MCTP1: variants seen among roughly 807,000 people sequenced by gnomAD.
The protein encoded by MCTP1 is multiple C2 and transmembrane domain-containing protein 1.
Under a neutral mutation model 120.6 loss-of-function variants are expected in MCTP1, and 69 were observed. The observed-to-expected ratio is 0.57, with a 90% CI of 0.47 to 0.70. MCTP1 has a LOEUF of 0.70. MCTP1 is among the 30% of genes least tolerant of loss of function. The pLI, the probability that MCTP1 is intolerant of heterozygous loss-of-function variation, is 0.00. For missense variants in MCTP1, 1,203 were observed against 1,248.8 expected (o/e 0.96, Z 0.55); for synonymous variants, 529 against 493.1 (o/e 1.07, Z -0.96).
chr5:94,720,209 A>G (rs1760575147), intron 19 of MCTP1, among the ~76,000 whole-genome samples: 1 of 151,984 alleles, frequency 6.6e-6, no homozygotes, highest in South Asian at 2.1e-4. Context: ...AATACAGGGA[A>G]GTTATTTACT....
chr5:94,769,083 G>T (rs534055802), intron 19 of MCTP1, among the ~76,000 whole-genome samples: 6 of 152,138 alleles, frequency 3.9e-5, no homozygotes, highest in Non-Finnish European at 5.9e-5. Flanking sequence ...TACATCACTT[G>T]CAGCAATGTG....
chr5:95,139,311 C>T lies in MCTP1; in HGVS notation c.721-121827G>A, dbSNP rs115283826. 6.3e-3 allele frequency among the ~76,000 whole-genome samples: 956 copies of T among 152,192 alleles called. 6 individuals carry two copies. The highest frequency in any genetic ancestry group is 0.01 in the Non-Finnish European group (693 of 68,006). Reference sequence around the variant, plus strand: ...ATCTAGAAGGCTTTGTGAGAATATACCCAACATGAGGAAACAGGGTTAGAG... The same window carrying T: ...ATCTAGAAGGCTTTGTGAGAATATATCCAACATGAGGAAACAGGGTTAGAG... On this transcript the variant is annotated intron_variant, in intron 1 of 22. Transcript: ENST00000515393.
At chr5:95,068,378 T>C (rs564842090) in intron 1 of MCTP1, among the ~76,000 whole-genome samples, 2 of 152,152 alleles carry the variant, frequency 1.3e-5, no homozygotes, top group African/African-American at 4.8e-5. Flanking sequence ...AAATACTTAA[T>C]TCCAACAGAC....
At chr5:94,902,636 T>C (rs1484885231) in intron 10 of MCTP1, among the ~76,000 whole-genome samples, 1 of 152,206 alleles carries the variant, frequency 6.6e-6, no homozygotes, top group Non-Finnish European at 1.5e-5. Flanking sequence ...ATATTATAAA[T>C]TGATATAATA....
chr5:95,167,759 T>C (rs991091599), intron 1 of MCTP1, among the ~76,000 whole-genome samples: 1 of 152,252 alleles, frequency 6.6e-6, no homozygotes, highest in East Asian at 1.9e-4. Flanking sequence ...TGGGGTTGTT[T>C]GTTTTTTCTT....
At chr5:95,144,879 G>T (rs1760247126) in intron 1 of MCTP1, among the ~76,000 whole-genome samples, 1 of 151,590 alleles carries the variant, frequency 6.6e-6, no homozygotes, top group Non-Finnish European at 1.5e-5. Flanking sequence ...GGGTTATTTT[G>T]GATATTTTGG....
intron 17 of MCTP1, among the ~76,000 whole-genome samples, chr5:94,834,648 G>T (rs1167952578): frequency 1.3e-5 from 2 of 152,048 alleles, no homozygotes; most frequent in Non-Finnish European, 2.9e-5. Flanking sequence ...ACATCATAGC[G>T]CAATTCAAAG....
chr5:95,238,529 G>A (rs930830031), intron 1 of MCTP1, among the ~76,000 whole-genome samples: 1 of 152,068 alleles, frequency 6.6e-6, no homozygotes, highest in Non-Finnish European at 1.5e-5. Context: ...AAATCAATGT[G>A]TCACTCATAT....
At chr5:95,161,305 C>T (rs1745713426) in intron 1 of MCTP1, among the ~76,000 whole-genome samples, 1 of 152,080 alleles carries the variant, frequency 6.6e-6, no homozygotes, top group African/African-American at 2.4e-5. Context: ...CATGGCTGAA[C>T]CTCGAGGACA....
chr5:95,178,544 T>C (rs1748270715), intron 1 of MCTP1, among the ~76,000 whole-genome samples: 2 of 152,072 alleles, frequency 1.3e-5, no homozygotes. Context: ...CCTGGTAGGC[T>C]CTGCTGGGTG....
At chr5:94,795,259 G>T (rs1222606078) in intron 18 of MCTP1, among the ~76,000 whole-genome samples, 2 of 151,638 alleles carry the variant, frequency 1.3e-5, no homozygotes, top group East Asian at 3.9e-4. Flanking sequence ...GGGCGGGGGT[G>T]GGGTGGGGAT....
intron 1 of MCTP1, among the ~76,000 whole-genome samples, chr5:95,028,024 G>A (rs374005318): frequency 3.1e-4 from 47 of 152,278 alleles, no homozygotes; most frequent in African/African-American, 9.9e-4. Context: ...CACCCCTGAG[G>A]GACTAGCTCA....
At chr5:95,044,128 T>C (rs1202629565) in intron 1 of MCTP1, among the ~76,000 whole-genome samples, 1 of 152,160 alleles carries the variant, frequency 6.6e-6, no homozygotes, top group Non-Finnish European at 1.5e-5. Flanking sequence ...TCCAAGTACT[T>C]TGTTGTCCTT....
rs140857355 is a variant in MCTP1, at chr5:95,029,963, C to A, written c.721-12479G>T. Among the ~76,000 whole-genome samples, 6 of 152,336 alleles carry A rather than the reference C, an allele frequency of 3.9e-5. No individual in the cohort carries two copies. In the East Asian group the frequency reaches 5.8e-4, roughly 15 times the overall value. On this transcript the variant is annotated intron_variant, in intron 1 of 22. Coordinates refer to ENST00000515393, the MANE Select transcript of MCTP1 (RefSeq NM_024717.7). ...AGCTTACACAAAGAGCAGGGTCCAACTCCCACTCCCTACACAGAACGGCAG... is the reference window on the plus strand; with the variant it reads ...AGCTTACACAAAGAGCAGGGTCCAAATCCCACTCCCTACACAGAACGGCAG...
chr5:94,829,068 T>C (rs1367581064), intron 17 of MCTP1, among the ~76,000 whole-genome samples: 1 of 152,204 alleles, frequency 6.6e-6, no homozygotes, highest in Non-Finnish European at 1.5e-5. Context: ...CCGCCTAGTT[T>C]TGTGCTTGAA....
intron 1 of MCTP1, among the ~76,000 whole-genome samples, chr5:95,264,856 G>C (rs1001361117): frequency 6.6e-6 from 1 of 152,190 alleles, no homozygotes; most frequent in African/African-American, 2.4e-5. Flanking sequence ...CCAAAGCGAA[G>C]CAATTCTGGG....
chr5:95,087,257 A>G (rs2152334415), intron 1 of MCTP1, among the ~76,000 whole-genome samples: 1 of 152,352 alleles, frequency 6.6e-6, no homozygotes, highest in East Asian at 1.9e-4. Flanking sequence ...ATGAGAAAAT[A>G]AGACTGCATC....
At chr5:95,094,312 A>G (rs1454462075) in intron 1 of MCTP1, among the ~76,000 whole-genome samples, 1 of 152,006 alleles carries the variant, frequency 6.6e-6, no homozygotes, top group African/African-American at 2.4e-5. Context: ...TTCCATTTGG[A>G]TCTCTATCAC....
chr5:95,127,531 A>G (rs1347434832), intron 1 of MCTP1, among the ~76,000 whole-genome samples: 2 of 152,228 alleles, frequency 1.3e-5, no homozygotes, highest in African/African-American at 2.4e-5. Context: ...AAGAGCATCT[A>G]TTTGCCAAGG....
Sources: gnomAD v4.1 joint callset for allele counts (sites outside exome capture counted in the v4.1 genomes callset) on GRCh38, gnomAD v4.1.1 for gene constraint, MANE v1.5 for transcripts, NCBI Gene and HGNC (gene_info 2026-07-23, HGNC 2026-07-21) for gene names.